Variants in SGCZ observed in about 807,000 individuals in gnomAD.
SGCZ encodes sarcoglycan zeta.
SGCZ carries 40 observed loss-of-function variants against 41.3 expected under a neutral mutation model. That is an observed-to-expected ratio of 0.97 (90% CI 0.75 to 1.26). The LOEUF (loss-of-function observed/expected upper bound fraction) is 1.26. SGCZ is among the 50% of genes most tolerant of loss of function. The pLI is 0.00. For synonymous variants in SGCZ, 206 were observed against 137.5 expected (o/e 1.50, Z -3.49); for missense variants, 552 against 369.8 (o/e 1.49, Z -4.04).
At chr8:14,408,662 C>T (rs1277047806) in intron 2 of SGCZ, among the ~76,000 whole-genome samples, 3 of 152,160 alleles carry the variant, frequency 2.0e-5, no homozygotes, top group Non-Finnish European at 4.4e-5. Context: ...TGGTCCCAGG[C>T]TGTGAGTTAT....
At chr8:14,796,462 T>C (rs1801134981) in intron 1 of SGCZ, among the ~76,000 whole-genome samples, 1 of 152,056 alleles carries the variant, frequency 6.6e-6, no homozygotes, top group South Asian at 2.1e-4. Context: ...TGTCACAAGG[T>C]CACTTATTTG....
chr8:14,334,158 A>G (rs1386400333), intron 2 of SGCZ, among the ~76,000 whole-genome samples: 1 of 152,070 alleles, frequency 6.6e-6, no homozygotes, highest in Admixed American at 6.6e-5. Context: ...AGTTAAGGAT[A>G]AGACTATGGG....
At chr8:14,951,710 C>T (rs962727) in intron 1 of SGCZ, among the ~76,000 whole-genome samples, 28,266 of 151,694 alleles carry the variant, frequency 0.19, 3,134 homozygotes, top group East Asian at 0.31. Flanking sequence ...ATAGCAATAC[C>T]CCAAATTTAC....
At chr8:15,063,244 A>C (rs1336506288) in intron 1 of SGCZ, among the ~76,000 whole-genome samples, 1 of 152,164 alleles carries the variant, frequency 6.6e-6, no homozygotes, top group Non-Finnish European at 1.5e-5. Context: ...TATTAACAAT[A>C]AAAATTGTGA....
At chr8:14,225,850 G>C (rs917593544) in intron 4 of SGCZ, among the ~76,000 whole-genome samples, 1 of 151,994 alleles carries the variant, frequency 6.6e-6, no homozygotes, top group African/African-American at 2.4e-5. Flanking sequence ...CAATAAGAAG[G>C]CTTGAGTTAT....
chr8:14,274,254 C>A (rs1003206935), intron 3 of SGCZ, among the ~76,000 whole-genome samples: 52 of 152,048 alleles, frequency 3.4e-4, no homozygotes, highest in African/African-American at 1.0e-3. Flanking sequence ...TAACAGAAGG[C>A]ATATTCTGAC....
chr8:14,104,630 A>G (rs969705659), intron 6 of SGCZ, among the ~76,000 whole-genome samples: 2 of 152,186 alleles, frequency 1.3e-5, no homozygotes, highest in African/African-American at 4.8e-5. Flanking sequence ...TGTTCTTCTC[A>G]TAGGTAGAAG....
chr8:14,491,246 C>T (rs1801833114), intron 2 of SGCZ, among the ~76,000 whole-genome samples: 1 of 152,096 alleles, frequency 6.6e-6, no homozygotes, highest in African/African-American at 2.4e-5. Context: ...CAGACACATA[C>T]CACAATGTAA....
chr8:14,196,622 T>C (rs903535747), intron 4 of SGCZ, among the ~76,000 whole-genome samples: 3 of 152,168 alleles, frequency 2.0e-5, no homozygotes, highest in Non-Finnish European at 4.4e-5. Flanking sequence ...AACTGCAATC[T>C]GAAAATGATC....
intron 5 of SGCZ, among the ~76,000 whole-genome samples, chr8:14,114,120 G>A (rs1802452538): frequency 6.6e-6 from 1 of 151,992 alleles, no homozygotes; most frequent in African/African-American, 2.4e-5. Flanking sequence ...TGAAGTCAAA[G>A]CCTGTCTCGA....
intron 1 of SGCZ, among the ~76,000 whole-genome samples, chr8:14,755,487 G>A (rs1054981140): frequency 9.2e-5 from 14 of 152,054 alleles, no homozygotes. Context: ...GAAATACAAA[G>A]GAGCAGTATT....
chr8:14,153,009 CG>C (rs59056781), intron 5 of SGCZ, among the ~76,000 whole-genome samples: 1,853 of 151,958 alleles, frequency 0.012, 49 homozygotes, highest in African/African-American at 0.043. Context: ...AAGTGATTGT[CG>C]GGGGTTAACG....
intron 5 of SGCZ, among the ~76,000 whole-genome samples, chr8:14,137,574 T>C (rs1803239597): frequency 6.6e-6 from 1 of 152,100 alleles, no homozygotes; most frequent in South Asian, 2.1e-4. Context: ...GAAAAAAGGG[T>C]ATCAGTGATT....
chr8:14,108,010 T>TC (rs1802258213), intron 6 of SGCZ, among the ~76,000 whole-genome samples, 153 bp downstream of exon 6: 1 of 152,194 alleles, frequency 6.6e-6, no homozygotes, highest in Non-Finnish European at 1.5e-5. Context: ...TCTTTTTTTT[T>TC]CCACATTCTT....
intron 4 of SGCZ, among the ~76,000 whole-genome samples, chr8:14,196,407 A>G (rs866009644): frequency 1.7e-4 from 26 of 152,224 alleles, no homozygotes; most frequent in African/African-American, 6.0e-4. Context: ...AAAGAGAGAC[A>G]ATAACAAGTG....
At chr8:15,135,825 G>A (rs1401832300) in intron 1 of SGCZ, among the ~76,000 whole-genome samples, 1 of 152,196 alleles carries the variant, frequency 6.6e-6, no homozygotes, top group Non-Finnish European at 1.5e-5. Flanking sequence ...GTACTGACCA[G>A]CAGCAGCAGA....
intron 1 of SGCZ, among the ~76,000 whole-genome samples, chr8:14,761,592 C>T (rs376655659): frequency 1.3e-5 from 2 of 149,986 alleles, no homozygotes; most frequent in East Asian, 3.9e-4. Flanking sequence ...AGTGCAGCAG[C>T]GTGGCTCACT....
chr8:14,860,942 T>C (rs1014161352), intron 1 of SGCZ, among the ~76,000 whole-genome samples: 29 of 152,166 alleles, frequency 1.9e-4, no homozygotes, highest in Admixed American at 1.1e-3. Flanking sequence ...GATGAGACAA[T>C]GGACATTTAC....
chr8:14,270,255 C>A (rs987461747), intron 3 of SGCZ, among the ~76,000 whole-genome samples: 1 of 151,998 alleles, frequency 6.6e-6, no homozygotes, highest in Non-Finnish European at 1.5e-5. Context: ...TCACTAGAAC[C>A]TGGGAGGCGG....
Sources: allele counts gnomAD v4.1 joint callset (sites outside exome capture counted in the v4.1 genomes callset), GRCh38; gene constraint gnomAD v4.1.1; transcripts MANE v1.5; gene names NCBI Gene and HGNC (gene_info 2026-07-23, HGNC 2026-07-21).